Variants in ZNF391 observed in about 807,000 individuals in gnomAD.
The protein encoded by ZNF391 is zinc finger protein 391.
For synonymous variants in ZNF391, 126 were observed against 142.1 expected (o/e 0.89, Z 0.80); for missense variants, 375 against 425.5 (o/e 0.88, Z 1.04).
chr6:27,375,543 A>G (rs980478384), intron 1 of ZNF391, among the ~76,000 whole-genome samples: 2 of 152,252 alleles, frequency 1.3e-5, no homozygotes, highest in African/African-American at 2.4e-5. Flanking sequence ...ACAGGGTCCC[A>G]GAAAAATCAG....
chr6:27,396,436 A>G (rs943726203), intron 1 of ZNF391, among the ~76,000 whole-genome samples: 4 of 152,060 alleles, frequency 2.6e-5, no homozygotes, highest in Non-Finnish European at 5.9e-5. Context: ...AAAAAAATGT[A>G]TATTTTGGCT....
rs1761418549 is a variant in ZNF391, at chr6:27,376,407, A to T, written n.523+1270A>T. Among the ~76,000 whole-genome samples, 1 of 152,182 alleles carries T rather than the reference A, an allele frequency of 6.6e-6. No homozygotes were observed. The highest frequency in any genetic ancestry group is 6.5e-5 in the Admixed American group (1 of 15,280). ...AGGCCCAAGATGTTATTAAAGTTTC[A>T]CAAGTAGCAAATGGCAAAACTAGGA... On this transcript the variant is annotated intron_variant and non_coding_transcript_variant, in intron 1 of 2. Transcript: ENST00000477999. The surrounding 1 kb of genome is among the most constrained non-coding windows in gnomAD (Gnocchi z 4.7).
chr6:27,380,877 G>C (rs2113638121), intron 1 of ZNF391, among the ~76,000 whole-genome samples: 1 of 152,294 alleles, frequency 6.6e-6, no homozygotes, highest in South Asian at 2.1e-4. Flanking sequence ...CTAGACACAG[G>C]GTGCTGATTG....
intron 1 of ZNF391, among the ~76,000 whole-genome samples, chr6:27,379,816 G>A (rs1385827683): frequency 6.6e-6 from 1 of 152,286 alleles, no homozygotes; most frequent in South Asian, 2.1e-4. Context: ...TTTTATCAGG[G>A]CCTAACAGAC....
chr6:27,385,262 A>G (rs1761569879), upstream of ZNF391, among the ~76,000 whole-genome samples: 1 of 152,110 alleles, frequency 6.6e-6, no homozygotes, highest in Admixed American at 6.6e-5. Flanking sequence ...AACAAGAACA[A>G]AGGCAACAAA....
intron 1 of ZNF391, among the ~76,000 whole-genome samples, chr6:27,379,827 C>T (rs535412126): frequency 2.6e-5 from 4 of 152,156 alleles, no homozygotes; most frequent in Non-Finnish European, 4.4e-5. Context: ...CCTAACAGAC[C>T]TTAGGAAATG....
At chr6:27,391,748 A>G (rs543182250) in intron 1 of ZNF391, among the ~76,000 whole-genome samples, 177 of 152,310 alleles carry the variant, frequency 1.2e-3, no homozygotes, top group Non-Finnish European at 2.2e-3. Flanking sequence ...CCGTTCTTAG[A>G]TGAGTCTGCC....
At position 27,401,739 on chromosome 6, in the gene ZNF391, T is replaced by C. The variant is rs1289938050; in HGVS notation, c.*292T>C. 3 of 243,518 alleles carry C rather than the reference T, an allele frequency of 1.2e-5. No homozygotes were observed. The highest frequency in any genetic ancestry group is 6.8e-5 in the African/African-American group (3 of 44,402). The allele number at this position is 243,518 out of a possible 1,614,324, so 15.1% of individuals were successfully genotyped here. ...GGGATGACTCAAAAAACATAACATA[T>C]GAAATCTAATATTCTGAAGGGCTCC... On this transcript the variant is annotated 3_prime_UTR_variant, in exon 3 of 3. Transcript: ENST00000244576.
chr6:27,395,832 CTAAA>C (rs781701318), intron 1 of ZNF391, among the ~76,000 whole-genome samples: 17 of 152,294 alleles, frequency 1.1e-4, no homozygotes, highest in Middle Eastern at 3.4e-3. Flanking sequence ...CCTCCAAAAA[CTAAA>C]TATTTCCTAA....
upstream of ZNF391, among the ~76,000 whole-genome samples, chr6:27,388,549 C>A (rs949402196): frequency 1.3e-5 from 2 of 152,232 alleles, no homozygotes; most frequent in Non-Finnish European, 2.9e-5. Context: ...CCGGTCTAGG[C>A]TATACTTTGC....
rs537424909 is a variant in ZNF391, at chr6:27,396,027, C to T, written c.-187-3415C>T. 1.1e-3 allele frequency among the ~76,000 whole-genome samples: 175 copies of T among 152,250 alleles called. 6 individuals are homozygous for T. In the South Asian group the frequency reaches 0.032, roughly 28 times the overall value. On this transcript the variant is annotated intron_variant, in intron 1 of 2. Transcript: ENST00000244576. ...TAGCTTTAGAGGCTTTGTAACTTAC[C>T]TACTGGGAGATGCAGTATTCATCTG... is the stretch of plus-strand genomic sequence containing the variant.
At chr6:27,378,087 A>T (rs570304900) in intron 1 of ZNF391, among the ~76,000 whole-genome samples, 1 of 152,320 alleles carries the variant, frequency 6.6e-6, no homozygotes, top group South Asian at 2.1e-4. Context: ...ATAATATTGA[A>T]TGGTCTATTT....
intron 1 of ZNF391, among the ~76,000 whole-genome samples, chr6:27,398,605 T>C (rs1312146400): frequency 6.6e-6 from 1 of 152,194 alleles, no homozygotes; most frequent in Non-Finnish European, 1.5e-5. Flanking sequence ...ACGCCTGTAA[T>C]CCCAGCACTT....
intron 1 of ZNF391, among the ~76,000 whole-genome samples, chr6:27,390,528 C>G (rs184715159): frequency 1.4e-5 from 2 of 147,220 alleles, no homozygotes; most frequent in East Asian, 4.0e-4. Context: ...AGGTATAGCC[C>G]TAACCTCCTA....
At chr6:27,384,885 G>T (rs1279683804), upstream of ZNF391, among the ~76,000 whole-genome samples, 3 of 152,056 alleles carry the variant, frequency 2.0e-5, no homozygotes, top group African/African-American at 7.2e-5. Context: ...GGGCATGTTG[G>T]CGGGTGCCTG....
In ZNF391 at chr6:27,402,468, C is replaced by T. The variant is rs1280542756; in HGVS notation, c.*1021C>T. On this transcript the variant is annotated 3_prime_UTR_variant, in exon 3 of 3. Transcript: ENST00000244576. ...GATCTACACTTTTCCTACCTCTCAG[C>T]ATTTCTTTGATTGTCAATGATCAGC... 1 of 152,160 alleles carries T rather than the reference C, an allele frequency of 6.6e-6. No individual in the cohort carries two copies. The highest frequency in any genetic ancestry group is 1.5e-5 in the Non-Finnish European group (1 of 68,038). The allele number at this position is 152,160 out of a possible 1,614,324, so 9.4% of individuals were successfully genotyped here.
upstream of ZNF391, among the ~76,000 whole-genome samples, chr6:27,388,494 A>T (rs1489602705): frequency 6.6e-6 from 1 of 152,100 alleles, no homozygotes; most frequent in Non-Finnish European, 1.5e-5. Flanking sequence ...TAACAAGCTC[A>T]CTTGGTGATT....
At chr6:27,379,577 G>A (rs868488783) in intron 1 of ZNF391, among the ~76,000 whole-genome samples, 1 of 150,416 alleles carries the variant, frequency 6.6e-6, no homozygotes, top group South Asian at 2.1e-4. Flanking sequence ...GAATAACTAC[G>A]ATTAAAAAAC....
At chr6:27,375,269 G>C (rs1302947772) in intron 1 of ZNF391, 1 of 152,472 alleles carries the variant, frequency 6.6e-6, no homozygotes, top group Non-Finnish European at 1.5e-5. Context: ...ACATTTCCCA[G>C]GGTTGTCTGC....
Sources: gnomAD v4.1 joint callset for allele counts (sites outside exome capture counted in the v4.1 genomes callset) on GRCh38, gnomAD v4.1.1 for gene constraint, Gnocchi (gnomAD v3.1) non-coding constraint, MANE v1.5 for transcripts, NCBI Gene and HGNC (gene_info 2026-07-23, HGNC 2026-07-21) for gene names.